PPFIA3: variants seen among roughly 807,000 people sequenced by gnomAD.
PPFIA3 encodes PPFI scaffold protein A3.
In PPFIA3, 26 loss-of-function variants were observed where a neutral mutation model predicts 145.8. That is an observed-to-expected ratio of 0.18 (90% CI 0.13 to 0.25). PPFIA3 has a LOEUF of 0.25. Among genes scored for constraint, PPFIA3 ranks in the 10% least tolerant of loss-of-function variants. The probability of loss-of-function intolerance (pLI) is 1.00; values close to 1 mark genes in which losing one functional copy is unlikely to be tolerated. For synonymous variants in PPFIA3, 645 were observed against 661.4 expected, an observed-to-expected ratio of 0.98 and a Z score of 0.38; for missense variants, 1,008 against 1,587.8, an observed-to-expected ratio of 0.63 and a Z score of 6.21.
chr19:49,148,247 C>A lies in PPFIA3; in HGVS notation c.3000C>A (p.Asp1000Glu), dbSNP rs2041302285. 1 of 1,613,598 alleles carries A rather than the reference C, an allele frequency of 6.2e-7. No homozygotes were observed. Among genetic ancestry groups the A allele is most frequent in the Non-Finnish European group, 8.5e-7 (1 of 1,179,640 alleles). ...TCCGGGGCCAACTCAAGATGGTGGACAGCTTTCACAGGTGGGGGCTGCCTG... is the reference window on the plus strand; with the variant it reads ...TCCGGGGCCAACTCAAGATGGTGGAAAGCTTTCACAGGTGGGGGCTGCCTG... ...KELRGQLKMV[D>E]SFHRVSLHYG... Residue 1000 changes from aspartate to glutamate, a missense_variant, in exon 24 of 30, where the codon GAC becomes GAA. Coordinates refer to ENST00000334186, the MANE Select transcript of PPFIA3 (RefSeq NM_003660.4).
chr19:49,133,427 A>C lies in PPFIA3; in HGVS notation c.1161+56A>C. The C allele has an allele frequency of 7.0e-7, 1 of 1,436,588 alleles. No homozygotes were observed. Among genetic ancestry groups the C allele is most frequent in the East Asian group, 2.6e-5 (1 of 38,898 alleles). 89.0% of individuals were successfully genotyped at this position (1,436,588 alleles called of 1,614,324 possible). A position where few individuals can be genotyped will look rare whatever the true frequency, so the allele number is the denominator to read the frequency against. On this transcript the variant is annotated intron_variant, in intron 9 of 29. Coordinates refer to ENST00000334186, the MANE Select transcript of PPFIA3 (RefSeq NM_003660.4). The surrounding 1 kb of genome is among the most constrained non-coding windows in gnomAD (Gnocchi z 7.2). Reference sequence around the variant, plus strand: ...GTGGGGAAGGGGTGGGGCCTAGAGGAGGCGGGGCCGTGAATCTGGAGGGGT... The same window carrying C: ...GTGGGGAAGGGGTGGGGCCTAGAGGCGGCGGGGCCGTGAATCTGGAGGGGT...
intron 21 of PPFIA3, 189 bp from the exon 22 acceptor site, chr19:49,145,754 C>G: frequency 1.6e-6 from 1 of 613,792 alleles, no homozygotes; most frequent in Non-Finnish European, 2.9e-6. Flanking sequence ...TTGTTCAACT[C>G]CAAAGTCACA....
In PPFIA3 at chr19:49,128,705, C is replaced by T; in HGVS notation, c.343-143C>T. 1.1e-6 allele frequency: 1 copy of T among 903,328 alleles called. No individual in the cohort carries two copies. The highest frequency in any genetic ancestry group is 2.2e-4 in the Middle Eastern group (1 of 4,498). 56.0% of individuals were successfully genotyped at this position (903,328 alleles called of 1,614,324 possible). On this transcript the variant is annotated intron_variant, in intron 3 of 29. Transcript: ENST00000334186. This position sits in a 1 kb window ranked among gnomAD's most constrained non-coding sequence, Gnocchi z 4.1. Reference sequence around the variant, plus strand: ...CCACCGGTTCCTTGACCCCGACCTCCTCTCTTTTCCTGACCTGTCTCGGTG... The same window carrying T: ...CCACCGGTTCCTTGACCCCGACCTCTTCTCTTTTCCTGACCTGTCTCGGTG...
At chr19:49,134,261 G>T in intron 11 of PPFIA3, 96 bp downstream of exon 11, 1 of 1,471,062 alleles carries the variant, frequency 6.8e-7, no homozygotes, top group Non-Finnish European at 9.1e-7. Flanking sequence ...ATCTGTTATC[G>T]GAGGCCTCCC....
chr19:49,132,515 G>T (rs1480839513), intron 7 of PPFIA3, among the ~76,000 whole-genome samples: 1 of 151,492 alleles, frequency 6.6e-6, no homozygotes, highest in Non-Finnish European at 1.5e-5. Flanking sequence ...GCTACCAGAT[G>T]AGGGTCCATC....
chr19:49,150,059 C>T (rs764839383), intron 28 of PPFIA3, 21 bp from the exon 29 acceptor site: 7 of 1,601,188 alleles, frequency 4.4e-6, no homozygotes, highest in Non-Finnish European at 6.0e-6. Flanking sequence ...CAGGCTGAAC[C>T]GCTGCTCGCT....
chr19:49,146,202 G>A lies in PPFIA3; in HGVS notation c.2835+10G>A, dbSNP rs754167799. The A allele has an allele frequency of 6.8e-6, 11 of 1,613,338 alleles. No individual in the cohort carries two copies. In the South Asian group the frequency reaches 1.2e-4, roughly 18 times the overall value. On this transcript the variant is annotated intron_variant, in intron 23 of 29. Transcript: ENST00000334186. ...GATCAGCTGGGAGCAGGTAGGGGGC[G>A]CGGGGCGGGGCGTGAGCGCATGAAC... is the stretch of plus-strand genomic sequence containing the variant.
In PPFIA3 at chr19:49,149,609, C is replaced by G; in HGVS notation, c.3417C>G (p.Leu1139=). The change falls in exon 28 of 30, where the codon CTC becomes CTG. Residue 1139 remains leucine (L), a synonymous_variant. Coordinates refer to ENST00000334186, the MANE Select transcript of PPFIA3 (RefSeq NM_003660.4). This position sits in a 1 kb window ranked among gnomAD's most constrained non-coding sequence, Gnocchi z 5.7. ...SWRKMFREKD[L]RGVTPDSAEM... is the part of the protein sequence containing the mutation. ...GGAAGATGTTCCGGGAGAAGGACCT[C>G]CGAGGCGTAACTCCCGACTCAGCTG... The G allele has an allele frequency of 6.2e-7, 1 of 1,614,234 alleles. No individual in the cohort carries two copies. The highest frequency in any genetic ancestry group is 8.5e-7 in the Non-Finnish European group (1 of 1,180,040).
intron 1 of PPFIA3, chr19:49,125,426 G>C (rs1600323713): frequency 6.6e-6 from 1 of 152,462 alleles, no homozygotes; most frequent in East Asian, 1.9e-4. Flanking sequence ...GGGCCAGCTG[G>C]ACCCGTCGGA....
At chr19:49,134,275 ACCCCGG>A in intron 11 of PPFIA3, 110 bp downstream of exon 11, 1 of 1,394,362 alleles carries the variant, frequency 7.2e-7, no homozygotes, top group Admixed American at 2.4e-5. Context: ...GCCTCCCTAA[ACCCCGG>A]CATCCTGAGT....
At position 49,130,251 on chromosome 19, in the gene PPFIA3, G is replaced by A. The variant is rs2041051937; in HGVS notation, c.658-127G>A. 1.7e-6 allele frequency: 2 copies of A among 1,169,676 alleles called. No homozygotes were observed. Among genetic ancestry groups the A allele is most frequent in the Non-Finnish European group, 1.2e-6 (1 of 837,328 alleles). 72.5% of individuals were successfully genotyped at this position (1,169,676 alleles called of 1,614,324 possible). ...TCTGTGACCTCCTTCACTGACCCCCGTGGACTCTGACCAGCATGATCCTTA... is the reference window on the plus strand; with the variant it reads ...TCTGTGACCTCCTTCACTGACCCCCATGGACTCTGACCAGCATGATCCTTA... On this transcript the variant is annotated intron_variant, in intron 6 of 29. Coordinates refer to ENST00000334186, the MANE Select transcript of PPFIA3 (RefSeq NM_003660.4). This position sits in a 1 kb window ranked among gnomAD's most constrained non-coding sequence, Gnocchi z 4.5.
At chr19:49,123,923 G>A (rs966360887) in intron 1 of PPFIA3, among the ~76,000 whole-genome samples, 1 of 151,982 alleles carries the variant, frequency 6.6e-6, no homozygotes, top group Non-Finnish European at 1.5e-5. Flanking sequence ...GGCATTCTAA[G>A]CTTGTTCTAG....
chr19:49,139,147 G>A (rs1014277994), intron 16 of PPFIA3, among the ~76,000 whole-genome samples: 10 of 152,050 alleles, frequency 6.6e-5, no homozygotes, highest in Non-Finnish European at 1.3e-4. Context: ...CCAACATGGT[G>A]AAACCCCATC....
intron 15 of PPFIA3, chr19:49,137,121 C>A (rs2041148346): frequency 2.3e-6 from 1 of 431,482 alleles, no homozygotes. Context: ...ACCCCCCAGC[C>A]AGTACTCACC....
intron 1 of PPFIA3, among the ~76,000 whole-genome samples, chr19:49,126,052 G>A (rs2040994139): frequency 1.3e-5 from 2 of 152,152 alleles, no homozygotes; most frequent in Admixed American, 1.3e-4. Flanking sequence ...CCGGGTTCAA[G>A]CGATTCTCCT....
At chr19:49,123,021 T>G (rs1291334426) in intron 1 of PPFIA3, among the ~76,000 whole-genome samples, 1 of 150,556 alleles carries the variant, frequency 6.6e-6, no homozygotes, top group Non-Finnish European at 1.5e-5. Flanking sequence ...ACGCCCGGCC[T>G]GTTGTTTAGT....
intron 1 of PPFIA3, among the ~76,000 whole-genome samples, chr19:49,127,237 C>G (rs968062064): frequency 6.6e-6 from 1 of 151,398 alleles, no homozygotes; most frequent in Non-Finnish European, 1.5e-5. Flanking sequence ...CAAAAATTAG[C>G]TGGGCATGGT....
At chr19:49,129,216 G>A (rs1198590127) in intron 4 of PPFIA3, among the ~76,000 whole-genome samples, 164 bp from the exon 5 acceptor site, 1 of 152,232 alleles carries the variant, frequency 6.6e-6, no homozygotes, top group Non-Finnish European at 1.5e-5. Flanking sequence ...GGCTAACAGT[G>A]GATGGGGCAG....
In PPFIA3 at chr19:49,143,693, C is replaced by T. The variant is rs147305026; in HGVS notation, c.2745+689C>T. Among the ~76,000 whole-genome samples, 235 of 152,206 alleles carry T rather than the reference C, an allele frequency of 1.5e-3. 5 individuals are homozygous for T. Among genetic ancestry groups the T allele is most frequent in the Middle Eastern group, 0.01 (3 of 294 alleles). ...TGGCCCTCGTTCCAACTTTTGATTA[C>T]GAGACATTTCAAACATACAGAAAAT... On this transcript the variant is annotated intron_variant, in intron 21 of 29. Coordinates refer to ENST00000334186, the MANE Select transcript of PPFIA3 (RefSeq NM_003660.4).
Sources: allele counts gnomAD v4.1 joint callset (sites outside exome capture counted in the v4.1 genomes callset), GRCh38; gene constraint gnomAD v4.1.1; non-coding constraint Gnocchi (gnomAD v3.1); transcripts MANE v1.5; gene names NCBI Gene and HGNC (gene_info 2026-07-23, HGNC 2026-07-21).